The following L3MBTL4 variants were observed in gnomAD, a reference collection of about 807,000 sequenced individuals.
L3MBTL4 encodes the protein L3MBTL histone methyl-lysine binding protein 4, also known as lethal(3)malignant brain tumor-like protein 4.
In L3MBTL4, 70 loss-of-function variants were observed where a neutral mutation model predicts 84.5. That is an observed-to-expected ratio of 0.83 (90% CI 0.68 to 1.01). L3MBTL4 has a LOEUF of 1.01. Among genes scored for constraint, L3MBTL4 ranks in the 50% least tolerant of loss-of-function variants. The pLI, the probability that L3MBTL4 is intolerant of heterozygous loss-of-function variation, is 0.00. For missense variants in L3MBTL4, 715 were observed against 754.8 expected, an observed-to-expected ratio of 0.95 and a Z score of 0.62; for synonymous variants, 274 against 259.8, an observed-to-expected ratio of 1.05 and a Z score of -0.52.
chr18:5,991,881 C>T (rs1036249978), intron 16 of L3MBTL4, among the ~76,000 whole-genome samples: 1 of 152,020 alleles, frequency 6.6e-6, no homozygotes, highest in Non-Finnish European at 1.5e-5. Context: ...GTCCACTGCC[C>T]TGGAGGGATT....
chr18:5,965,575 T>G (rs2052312436), intron 17 of L3MBTL4, among the ~76,000 whole-genome samples: 1 of 152,122 alleles, frequency 6.6e-6, no homozygotes, highest in Non-Finnish European at 1.5e-5. Context: ...TGCTCGTCAT[T>G]TTTACTGTGG....
intron 16 of L3MBTL4, among the ~76,000 whole-genome samples, chr18:6,017,243 G>A (rs184861670): frequency 1.3e-5 from 2 of 152,320 alleles, no homozygotes; most frequent in East Asian, 3.9e-4. Context: ...ATGCAAAATG[G>A]ATTTAAATGC....
chr18:6,210,560 C>T (rs956521276), intron 12 of L3MBTL4, among the ~76,000 whole-genome samples: 5 of 152,132 alleles, frequency 3.3e-5, no homozygotes, highest in East Asian at 1.9e-4. Flanking sequence ...ATCTACATAA[C>T]GGGTATAACA....
chr18:5,997,532 T>C (rs1050079739), intron 16 of L3MBTL4, among the ~76,000 whole-genome samples: 1 of 152,104 alleles, frequency 6.6e-6, no homozygotes, highest in African/African-American at 2.4e-5. Flanking sequence ...CACATGTAAA[T>C]TGTGTATTTC....
At chr18:6,020,944 T>G (rs896632598) in intron 16 of L3MBTL4, among the ~76,000 whole-genome samples, 2 of 152,128 alleles carry the variant, frequency 1.3e-5, no homozygotes, top group African/African-American at 4.8e-5. Context: ...ACTCAGAGAC[T>G]GGGAGAGAAG....
At chr18:6,124,207 C>T (rs2059615350) in intron 14 of L3MBTL4, among the ~76,000 whole-genome samples, 1 of 151,800 alleles carries the variant, frequency 6.6e-6, no homozygotes, top group Admixed American at 6.6e-5. Flanking sequence ...AAGATGGAGT[C>T]ACGAGGGATA....
chr18:6,197,158 T>C (rs1394180971), intron 12 of L3MBTL4, among the ~76,000 whole-genome samples: 4 of 152,232 alleles, frequency 2.6e-5, no homozygotes, highest in African/African-American at 4.8e-5. Flanking sequence ...TGCAGGTTTA[T>C]TACATAAGTA....
chr18:6,405,674 C>A (rs1345987090), intron 1 of L3MBTL4, among the ~76,000 whole-genome samples: 1 of 152,154 alleles, frequency 6.6e-6, no homozygotes, highest in Non-Finnish European at 1.5e-5. Context: ...GCCCGAGGGC[C>A]CCCTAAACAG....
intron 14 of L3MBTL4, among the ~76,000 whole-genome samples, chr18:6,099,803 T>C (rs2058760593): frequency 6.6e-6 from 1 of 151,540 alleles, no homozygotes; most frequent in African/African-American, 2.4e-5. Flanking sequence ...AAAGTATAAA[T>C]GCTTTTTAAA....
At chr18:6,315,850 A>G (rs1050446658) in intron 1 of L3MBTL4, among the ~76,000 whole-genome samples, 1 of 152,154 alleles carries the variant, frequency 6.6e-6, no homozygotes, top group African/African-American at 2.4e-5. Context: ...TTTTTAAAAA[A>G]TTTTGCCTTT....
chr18:6,204,405 T>C (rs2045782714), intron 12 of L3MBTL4, among the ~76,000 whole-genome samples: 1 of 152,208 alleles, frequency 6.6e-6, no homozygotes, highest in Non-Finnish European at 1.5e-5. Flanking sequence ...TGAGCCCTGA[T>C]GGCTCCAGCA....
chr18:6,265,925 T>A (rs760924150), intron 4 of L3MBTL4, among the ~76,000 whole-genome samples: 5 of 152,190 alleles, frequency 3.3e-5, no homozygotes, highest in Non-Finnish European at 7.3e-5. Context: ...TAGTGAATAA[T>A]GTTATATACC....
At chr18:5,982,524 C>T (rs1025894347) in intron 16 of L3MBTL4, among the ~76,000 whole-genome samples, 4 of 152,334 alleles carry the variant, frequency 2.6e-5, no homozygotes, top group Non-Finnish European at 5.9e-5. Flanking sequence ...AGAGAAACCA[C>T]AGACAGAGCC....
In L3MBTL4 at chr18:6,257,226, G is replaced by A. The variant is rs183044959; in HGVS notation, c.219+6721C>T. ...GCAGTGGAGGGCTTACTGAGGCAGC[G>A]CAGGTAAAAGCACAGCAAACAATAC... On this transcript the variant is annotated intron_variant, in intron 5 of 18. Transcript: ENST00000317931. 8.4e-4 allele frequency among the ~76,000 whole-genome samples: 128 copies of A among 152,168 alleles called. 1 individual carries two copies. Among genetic ancestry groups the A allele is most frequent in the Admixed American group, 5.4e-3 (82 of 15,270 alleles).
At chr18:6,125,043 AG>A (rs1463173019) in intron 14 of L3MBTL4, among the ~76,000 whole-genome samples, 1 of 152,232 alleles carries the variant, frequency 6.6e-6, no homozygotes, top group African/African-American at 2.4e-5. Flanking sequence ...TTGATAAGTA[AG>A]TAAATGTAGG....
intron 8 of L3MBTL4, 69 bp from the exon 9 acceptor site, chr18:6,239,941 C>A: frequency 6.5e-7 from 1 of 1,548,344 alleles, no homozygotes; most frequent in South Asian, 1.1e-5. Flanking sequence ...GAGCCACTGT[C>A]AAAACTTCTA....
chr18:6,200,044 C>G (rs2045584933), intron 12 of L3MBTL4, among the ~76,000 whole-genome samples: 1 of 152,088 alleles, frequency 6.6e-6, no homozygotes, highest in Non-Finnish European at 1.5e-5. Context: ...GATGGAAGCT[C>G]AGTGACAACA....
At chr18:6,102,078 T>C (rs575416199) in intron 14 of L3MBTL4, among the ~76,000 whole-genome samples, 1 of 152,354 alleles carries the variant, frequency 6.6e-6, no homozygotes, top group Admixed American at 6.5e-5. Flanking sequence ...TATAGTATTG[T>C]TTGTATATAT....
chr18:6,215,046 G>A (rs563824739), intron 11 of L3MBTL4, among the ~76,000 whole-genome samples: 16 of 151,810 alleles, frequency 1.1e-4, no homozygotes, highest in Admixed American at 7.9e-4. Context: ...GTTTCAAGCC[G>A]CTCTTGATCT....
Sources: allele counts gnomAD v4.1 joint callset (sites outside exome capture counted in the v4.1 genomes callset), GRCh38; gene constraint gnomAD v4.1.1; transcripts MANE v1.5; gene names NCBI Gene and HGNC (gene_info 2026-07-23, HGNC 2026-07-21).